The following TYW1 variants were observed in gnomAD, a reference collection of about 807,000 sequenced individuals.
TYW1 encodes tRNA-yW synthesizing protein 1 homolog.
TYW1 carries 46 observed loss-of-function variants against 96.2 expected under a neutral mutation model. The ratio of observed to expected loss-of-function variants is 0.48; its 90% confidence interval spans 0.38 to 0.61. The LOEUF (loss-of-function observed/expected upper bound fraction) is 0.61, where lower values mean the gene tolerates loss of function less well. TYW1 is among the 20% of genes least tolerant of loss of function. The probability of loss-of-function intolerance (pLI) is 0.00; values close to 1 mark genes in which losing one functional copy is unlikely to be tolerated. For missense variants in TYW1, 684 were observed against 909.6 expected, an observed-to-expected ratio of 0.75 and a Z score of 3.19; for synonymous variants, 274 against 323.0, an observed-to-expected ratio of 0.85 and a Z score of 1.63.
At chr7:67,183,467 G>A (rs903027232) in intron 14 of TYW1, among the ~76,000 whole-genome samples, 5 of 152,128 alleles carry the variant, frequency 3.3e-5, no homozygotes, top group Non-Finnish European at 5.9e-5. Context: ...ATTTTAGTGG[G>A]AGGATGGACA....
At chr7:67,028,810 A>G (rs1794546067) in intron 7 of TYW1, among the ~76,000 whole-genome samples, 1 of 152,130 alleles carries the variant, frequency 6.6e-6, no homozygotes, top group South Asian at 2.1e-4. Flanking sequence ...CATTAATGCA[A>G]AACAGCATTT....
rs1584726087 is a variant in TYW1, at chr7:67,233,263, A to G, written c.1978-5045A>G. Reference sequence around the variant, plus strand: ...TGGGGTTTCAAGAGGAAGTAATAGTAAATGCATGTGTTTAATCTACCATCT... The same window carrying G: ...TGGGGTTTCAAGAGGAAGTAATAGTGAATGCATGTGTTTAATCTACCATCT... On this transcript the variant is annotated intron_variant, in intron 15 of 15. Transcript: ENST00000359626. 2.2e-5 allele frequency among the ~76,000 whole-genome samples: 3 copies of G among 135,188 alleles called. 1 individual carries two copies. Among genetic ancestry groups the G allele is most frequent in the East Asian group, 3.9e-4 (2 of 5,120 alleles). 88.7% of individuals were successfully genotyped at this position (135,188 alleles called of 152,430 possible).
At chr7:67,163,350 G>T (rs1799219207) in intron 13 of TYW1, among the ~76,000 whole-genome samples, 1 of 152,034 alleles carries the variant, frequency 6.6e-6, no homozygotes, top group Non-Finnish European at 1.5e-5. Flanking sequence ...TTCACATTCT[G>T]CTGCCAGTGC....
chr7:67,008,977 C>G (rs1402783897), intron 3 of TYW1, among the ~76,000 whole-genome samples: 1 of 152,016 alleles, frequency 6.6e-6, no homozygotes, highest in Admixed American at 6.6e-5. Flanking sequence ...TTCACTATTT[C>G]TTTTTGCACT....
At chr7:67,050,358 T>A (rs542199456) in intron 8 of TYW1, among the ~76,000 whole-genome samples, 4 of 152,330 alleles carry the variant, frequency 2.6e-5, no homozygotes, top group African/African-American at 9.6e-5. Flanking sequence ...GCTTATATGA[T>A]ATGAGACTGG....
At chr7:67,102,071 T>C (rs1797102970) in intron 12 of TYW1, among the ~76,000 whole-genome samples, 2 of 152,222 alleles carry the variant, frequency 1.3e-5, no homozygotes, top group South Asian at 4.1e-4. Flanking sequence ...TTGGGGTATA[T>C]GCATAAAAAA....
intron 8 of TYW1, among the ~76,000 whole-genome samples, chr7:67,050,898 C>G (rs1330569848): frequency 6.6e-6 from 1 of 151,654 alleles, no homozygotes; most frequent in Non-Finnish European, 1.5e-5. Context: ...TACACTATAC[C>G]TCTTTTTTTT....
At chr7:67,070,560 GT>G (rs1213971677) in intron 10 of TYW1, among the ~76,000 whole-genome samples, 1 of 151,798 alleles carries the variant, frequency 6.6e-6, no homozygotes, top group Non-Finnish European at 1.5e-5. Context: ...CTTCATTTCA[GT>G]TATTATTCTT....
chr7:67,162,356 A>G (rs111422111), intron 13 of TYW1, among the ~76,000 whole-genome samples: 1 of 151,176 alleles, frequency 6.6e-6, no homozygotes, highest in African/African-American at 2.4e-5. Context: ...TCCCTGGACT[A>G]TAGAGTTTTT....
At chr7:67,059,561 A>G (rs577096264) in intron 9 of TYW1, among the ~76,000 whole-genome samples, 23 of 149,634 alleles carry the variant, frequency 1.5e-4, no homozygotes, top group Middle Eastern at 6.8e-3. Context: ...ATTTTTTTGT[A>G]TAAGGTCGTG....
At chr7:67,185,693 A>G (rs1423999162) in intron 14 of TYW1, among the ~76,000 whole-genome samples, 9 of 152,042 alleles carry the variant, frequency 5.9e-5, no homozygotes, top group Admixed American at 2.6e-4. Context: ...AGAAGTTTAA[A>G]TAGATCATAG....
At chr7:67,017,230 G>C (rs768247600) in intron 5 of TYW1, among the ~76,000 whole-genome samples, 2 of 152,086 alleles carry the variant, frequency 1.3e-5, no homozygotes, top group Non-Finnish European at 2.9e-5. Context: ...CAATCTGCCT[G>C]CCTCAGCCTC....
chr7:67,194,683 T>C (rs920875126), intron 14 of TYW1, among the ~76,000 whole-genome samples: 1 of 150,908 alleles, frequency 6.6e-6, no homozygotes, highest in African/African-American at 2.5e-5. Flanking sequence ...AGGAAAAAGT[T>C]TGCCAGTTTC....
chr7:67,153,724 C>G (rs1262932842), intron 13 of TYW1, among the ~76,000 whole-genome samples: 1 of 152,186 alleles, frequency 6.6e-6, no homozygotes, highest in Non-Finnish European at 1.5e-5. Context: ...TCTTTATTGA[C>G]ATGTTTAGTT....
chr7:67,066,037 A>ACC (rs1554356624), intron 9 of TYW1, among the ~76,000 whole-genome samples: 7 of 134,542 alleles, frequency 5.2e-5, no homozygotes, highest in African/African-American at 7.9e-5. Flanking sequence ...ACACACCCAC[A>ACC]CCCCTATACA....
At chr7:67,055,644 T>G (rs141189340) in intron 8 of TYW1, among the ~76,000 whole-genome samples, 191 bp from the exon 9 acceptor site, 217 of 151,934 alleles carry the variant, frequency 1.4e-3, no homozygotes, top group African/African-American at 4.6e-3. Context: ...GAGTCTATAT[T>G]ATTAGATACA....
At position 67,013,812 on chromosome 7, in the gene TYW1, T is replaced by C. The variant is rs1394596468; in HGVS notation, c.376-555T>C. On this transcript the variant is annotated intron_variant, in intron 4 of 15. Coordinates refer to ENST00000359626, the MANE Select transcript of TYW1 (RefSeq NM_018264.4). The stretch of plus-strand genomic sequence containing the variant: ...AGGCTGGAGTGCAGTGACGTGATCT[T>C]GGCTCGCTGCAAGCTCTGCCTCCTG... Among the ~76,000 whole-genome samples, 32 of 148,898 alleles carry C rather than the reference T, an allele frequency of 2.1e-4. 1 individual carries two copies. The highest frequency in any genetic ancestry group is 2.8e-4 in the Non-Finnish European group (19 of 67,384).
chr7:67,169,727 A>G (rs1351502226), intron 13 of TYW1, among the ~76,000 whole-genome samples: 1 of 152,114 alleles, frequency 6.6e-6, no homozygotes, highest in Non-Finnish European at 1.5e-5. Flanking sequence ...GCTGAATACT[A>G]TTCTCTTGGA....
At chr7:67,010,949 A>G (rs1246357902) in intron 4 of TYW1, among the ~76,000 whole-genome samples, 1 of 152,206 alleles carries the variant, frequency 6.6e-6, no homozygotes, top group Non-Finnish European at 1.5e-5. Flanking sequence ...CTTGTAGACC[A>G]TGGGCAATCC....
Sources: allele counts gnomAD v4.1 joint callset (sites outside exome capture counted in the v4.1 genomes callset), GRCh38; gene constraint gnomAD v4.1.1; transcripts MANE v1.5; gene names NCBI Gene and HGNC (gene_info 2026-07-23, HGNC 2026-07-21).